TAF2: variants seen among roughly 807,000 people sequenced by gnomAD.
The protein encoded by TAF2 is TATA-box binding protein associated factor 2, also known as transcription initiation factor TFIID subunit 2.
In TAF2, 61 loss-of-function variants were observed where a neutral mutation model predicts 138.5. The ratio of observed to expected loss-of-function variants is 0.44; its 90% CI spans 0.36 to 0.54. The LOEUF (loss-of-function observed/expected upper bound fraction) is 0.54, where lower values mean the gene tolerates loss of function less well. Among genes scored for constraint, TAF2 ranks in the 20% least tolerant of loss-of-function variants. The probability of loss-of-function intolerance (pLI) is 0.00; values close to 1 mark genes in which losing one functional copy is unlikely to be tolerated. For synonymous variants in TAF2, 475 were observed against 469.9 expected (o/e 1.01, Z -0.14); for missense variants, 1,090 against 1,427.9 (o/e 0.76, Z 3.81).
intron 14 of TAF2, 21 bp downstream of exon 14, chr8:119,788,317 T>G: frequency 6.3e-7 from 1 of 1,584,230 alleles, no homozygotes; most frequent in Non-Finnish European, 8.7e-7. Context: ...TTTCAATTTA[T>G]AGTTATTATG....
chr8:119,788,298 T>C (rs1176419894), intron 14 of TAF2, 40 bp downstream of exon 14: 2 of 1,536,182 alleles, frequency 1.3e-6, no homozygotes, highest in South Asian at 2.2e-5. Context: ...GTGAGATTTG[T>C]AGTTTAACTT....
In TAF2 at chr8:119,789,593, C is replaced by T. The variant is rs558273652; in HGVS notation, c.1567G>A (p.Val523Ile). The change falls in exon 12 of 26, where the codon GTA becomes ATA. Residue 523 changes from valine (V) to isoleucine (I), a missense_variant and splice_region_variant. By Grantham distance (29) the Val-to-Ile change is conservative. Around this residue, in one of 3 missense-constraint regions of TAF2, gnomAD observed 504 missense variants for 680.9 expected, o/e 0.74. Coordinates refer to ENST00000378164, the MANE Select transcript of TAF2 (RefSeq NM_003184.4). Reference sequence around the variant, plus strand: ...TTGAACTGCTATTGAAAAGGATACACCCACTGCTTTATTAACGGCTGAATA... The same window carrying T: ...TTGAACTGCTATTGAAAAGGATACATCCACTGCTTTATTAACGGCTGAATA... Reference protein sequence around the residue: ...KDIQPLIKQWVDQSGVVKFYG... With the variant: ...KDIQPLIKQWIDQSGVVKFYG... 3.7e-6 allele frequency: 6 copies of T among 1,613,350 alleles called. No homozygotes were observed. In the African/African-American group the frequency reaches 8.0e-5, roughly 22 times the overall value.
At position 119,759,013 on chromosome 8, in the gene TAF2, T is replaced by C. The variant is rs890713787; in HGVS notation, c.2699-871A>G. On this transcript the variant is annotated intron_variant, in intron 20 of 25. Coordinates refer to ENST00000378164, the MANE Select transcript of TAF2 (RefSeq NM_003184.4). The stretch of plus-strand genomic sequence containing the variant: ...TTTCATTTAAGGTAGTACTAACTTA[T>C]AAAATCTTACTCATATTTATGAGAC... 3.3e-5 allele frequency among the ~76,000 whole-genome samples: 5 copies of C among 152,122 alleles called. No homozygotes were observed. In the South Asian group the frequency reaches 1.0e-3, roughly 31 times the overall value.
intron 25 of TAF2, among the ~76,000 whole-genome samples, chr8:119,739,616 C>G (rs752483119): frequency 6.6e-6 from 1 of 151,646 alleles, no homozygotes; most frequent in Non-Finnish European, 1.5e-5. Flanking sequence ...GTAACACATT[C>G]CAGTTCTCAA....
chr8:119,822,316 G>A (rs1825847866), intron 2 of TAF2, among the ~76,000 whole-genome samples: 3 of 151,616 alleles, frequency 2.0e-5, no homozygotes, highest in African/African-American at 7.3e-5. Context: ...CAATCTTCCA[G>A]GCTCAAGTGA....
rs980895838 is a variant in TAF2 at position 119,740,572 on chromosome 8, C to T, written c.3337+1962G>A. On this transcript the variant is annotated intron_variant, in intron 25 of 25. Transcript: ENST00000378164. ...CCCAGCTACTTAGGAAGCTGAGGTA[C>T]GAGAATCACTTGAACCCAGGAGGTG... Among the ~76,000 whole-genome samples the T allele has an allele frequency of 4.3e-5, 6 of 141,058 alleles. No homozygotes were observed. In the South Asian group the frequency reaches 6.7e-4, roughly 16 times the overall value. The allele number at this position is 141,058 out of a possible 152,430, so 92.5% of individuals were successfully genotyped here.
chr8:119,792,316 T>C (rs928213593), intron 10 of TAF2, among the ~76,000 whole-genome samples: 3 of 151,988 alleles, frequency 2.0e-5, no homozygotes, highest in Admixed American at 2.0e-4. Context: ...CACGCCTGGC[T>C]AATTTTTGTA....
chr8:119,812,690 AT>A (rs1013242965), intron 3 of TAF2, among the ~76,000 whole-genome samples: 24 of 149,338 alleles, frequency 1.6e-4, no homozygotes, highest in Admixed American at 6.7e-5. Flanking sequence ...ACATTTCATT[AT>A]TTTTTTATGG....
intron 14 of TAF2, among the ~76,000 whole-genome samples, chr8:119,787,760 A>T (rs1267661539): frequency 2.0e-5 from 3 of 152,216 alleles, no homozygotes; most frequent in Non-Finnish European, 4.4e-5. Context: ...AGGATTATAA[A>T]TCATTCTCCT....
chr8:119,800,800 T>C (rs1327030778), intron 6 of TAF2, among the ~76,000 whole-genome samples: 3 of 152,216 alleles, frequency 2.0e-5, no homozygotes, highest in African/African-American at 4.8e-5. Flanking sequence ...TCAATTTTTA[T>C]TCACATGACT....
rs138335638 is a variant in TAF2, at chr8:119,765,949, A to G, written c.2365-3341T>C. ...GAGATTAAGTAATTTGCTCAAGATG[A>G]CACACGTTTTTCAGGAGTCCAGGGA... On this transcript the variant is annotated intron_variant, in intron 18 of 25. Transcript: ENST00000378164. 3.7e-3 allele frequency among the ~76,000 whole-genome samples: 571 copies of G among 152,312 alleles called. 6 individuals are homozygous for G. Among genetic ancestry groups the G allele is most frequent in the African/African-American group, 0.013 (551 of 41,568 alleles).
intron 18 of TAF2, among the ~76,000 whole-genome samples, chr8:119,768,325 G>A (rs1053205715): frequency 6.0e-4 from 91 of 152,248 alleles, no homozygotes; most frequent in African/African-American, 2.0e-3. Flanking sequence ...CACTACCTCC[G>A]GCTTTGTACC....
intron 18 of TAF2, among the ~76,000 whole-genome samples, chr8:119,770,753 C>T (rs1039862716): frequency 6.6e-6 from 1 of 152,168 alleles, no homozygotes; most frequent in Non-Finnish European, 1.5e-5. Flanking sequence ...TAACCTTGAA[C>T]AGAAATGGCA....
At chr8:119,798,566 T>A (rs1021089151) in intron 6 of TAF2, among the ~76,000 whole-genome samples, 1 of 152,128 alleles carries the variant, frequency 6.6e-6, no homozygotes, top group Non-Finnish European at 1.5e-5. Context: ...AGAAGTTTGA[T>A]AGGAAACTTT....
At chr8:119,800,577 T>C (rs1824186753) in intron 6 of TAF2, among the ~76,000 whole-genome samples, 1 of 152,234 alleles carries the variant, frequency 6.6e-6, no homozygotes, top group Admixed American at 6.5e-5. Context: ...TCAGGTAGCA[T>C]GTTTAAAGCT....
intron 18 of TAF2, among the ~76,000 whole-genome samples, chr8:119,766,065 G>A (rs1027697487): frequency 1.3e-5 from 2 of 152,156 alleles, no homozygotes; most frequent in Non-Finnish European, 2.9e-5. Flanking sequence ...TATGCTTGGT[G>A]ATATACACTA....
chr8:119,824,100 T>C (rs1230536127), intron 2 of TAF2, among the ~76,000 whole-genome samples: 1 of 151,980 alleles, frequency 6.6e-6, no homozygotes, highest in Non-Finnish European at 1.5e-5. Context: ...AAGTAGAGCA[T>C]AAAAGTGTGG....
intron 18 of TAF2, among the ~76,000 whole-genome samples, chr8:119,777,818 C>T (rs1822362640): frequency 6.6e-6 from 1 of 152,074 alleles, no homozygotes; most frequent in Non-Finnish European, 1.5e-5. Flanking sequence ...GTTTTTTATC[C>T]ACTGGTTATT....
At chr8:119,747,626 C>T (rs952755956) in intron 22 of TAF2, among the ~76,000 whole-genome samples, 6 of 152,210 alleles carry the variant, frequency 3.9e-5, no homozygotes, top group African/African-American at 1.4e-4. Flanking sequence ...CAGATCAGAG[C>T]ACATTGATAC....
Sources: allele counts gnomAD v4.1 joint callset (sites outside exome capture counted in the v4.1 genomes callset), GRCh38; gene constraint gnomAD v4.1.1; regional missense constraint gnomAD v4.1.1; transcripts MANE v1.5; gene names NCBI Gene and HGNC (gene_info 2026-07-23, HGNC 2026-07-21).